SLC71A2: variants seen among roughly 807,000 people sequenced by gnomAD.
SLC71A2 encodes solute carrier family 71 member 2, also known as hippocampus abundant transcript-like 1.
the SLC71A2 span, among the ~76,000 whole-genome samples, chr9:94,428,600 CT>C: frequency 0.073 from 7,153 of 98,264 alleles, 445 homozygotes; most frequent in African/African-American, 0.17. Context: ...ACCCCCCCCC[CT>C]TTTTTTTTTT....
At chr9:94,382,839 G>A in the SLC71A2 span, among the ~76,000 whole-genome samples, 1 of 152,178 alleles carries the variant, frequency 6.6e-6, no homozygotes, top group Non-Finnish European at 1.5e-5. Flanking sequence ...ACCACGCCTG[G>A]CTAATTTTTT....
the SLC71A2 span, among the ~76,000 whole-genome samples, chr9:94,401,492 A>T: frequency 1.4e-4 from 21 of 151,956 alleles, no homozygotes; most frequent in African/African-American, 4.6e-4. Context: ...TTTTATAGGC[A>T]TATTTGCCAT....
At chr9:94,415,297 A>G in the SLC71A2 span, 58 of 1,377,402 alleles carry the variant, frequency 4.2e-5, no homozygotes, top group Non-Finnish European at 5.6e-5. Context: ...AGAGAAAGAG[A>G]TAAGTTCTTA....
chr9:94,439,612 C>T, the SLC71A2 span, among the ~76,000 whole-genome samples: 3 of 150,644 alleles, frequency 2.0e-5, no homozygotes, highest in Non-Finnish European at 4.4e-5. Flanking sequence ...TATGCTAACA[C>T]CTATCACATT....
At chr9:94,454,071 G>A in the SLC71A2 span, 2 of 1,605,368 alleles carry the variant, frequency 1.2e-6, no homozygotes, top group Non-Finnish European at 1.7e-6. Context: ...CACAGGCCTG[G>A]TAAGCCTCAC....
the SLC71A2 span, chr9:94,459,477 G>A: frequency 3.8e-6 from 6 of 1,580,074 alleles, no homozygotes; most frequent in East Asian, 9.0e-5. Flanking sequence ...CCACACCCCT[G>A]GTGACTTCAT....
chr9:94,381,067 A>C, the SLC71A2 span, among the ~76,000 whole-genome samples: 6 of 93,158 alleles, frequency 6.4e-5, no homozygotes, highest in African/African-American at 1.4e-4. Context: ...ATGGAGTTTC[A>C]CTCTTGTTGC....
At chr9:94,396,672 A>G in the SLC71A2 span, among the ~76,000 whole-genome samples, 1 of 152,206 alleles carries the variant, frequency 6.6e-6, no homozygotes, top group African/African-American at 2.4e-5. Context: ...CAATATGTAA[A>G]TGAACAAGCA....
the SLC71A2 span, among the ~76,000 whole-genome samples, chr9:94,382,079 TG>T: frequency 6.6e-6 from 1 of 151,744 alleles, no homozygotes; most frequent in East Asian, 1.9e-4. Flanking sequence ...CAGGCTGGAG[TG>T]CGGTGGCGTG....
chr9:94,456,346 A>G, the SLC71A2 span: 551 of 1,606,900 alleles, frequency 3.4e-4, no homozygotes, highest in Non-Finnish European at 4.6e-4. Context: ...AGGTGAGGTC[A>G]CTGCCCCCCA....
the SLC71A2 span, among the ~76,000 whole-genome samples, chr9:94,410,618 A>G: frequency 6.6e-6 from 1 of 152,230 alleles, no homozygotes; most frequent in Admixed American, 6.5e-5. Context: ...AAAGTCACCA[A>G]TAAAAAATTG....
chr9:94,417,209 A>G, the SLC71A2 span, among the ~76,000 whole-genome samples: 1 of 152,224 alleles, frequency 6.6e-6, no homozygotes. Flanking sequence ...TTATGGTAAA[A>G]TACACATAAC....
chr9:94,439,022 G>GTTTTGTT, the SLC71A2 span, among the ~76,000 whole-genome samples: 1 of 115,688 alleles, frequency 8.6e-6, no homozygotes, highest in African/African-American at 3.3e-5. Context: ...ATTTGAGTTC[G>GTTTTGTT]TTTTTTTTTT....
At chr9:94,389,452 T>TA in the SLC71A2 span, among the ~76,000 whole-genome samples, 1 of 151,280 alleles carries the variant, frequency 6.6e-6, no homozygotes, top group Non-Finnish European at 1.5e-5. Context: ...ATATATATAT[T>TA]TTTTTCAGTA....
the SLC71A2 span, chr9:94,415,340 T>C: frequency 2.1e-6 from 2 of 940,470 alleles, no homozygotes; most frequent in East Asian, 2.4e-5. Context: ...TAGATACGTG[T>C]TTGGGAGTAG....
the SLC71A2 span, among the ~76,000 whole-genome samples, chr9:94,421,317 C>G: frequency 3.3e-5 from 5 of 152,258 alleles, no homozygotes; most frequent in East Asian, 9.6e-4. Context: ...ACAGTAAGTA[C>G]ACTTATATAT....
At chr9:94,399,807 C>CTT in the SLC71A2 span, among the ~76,000 whole-genome samples, 18 of 140,812 alleles carry the variant, frequency 1.3e-4, no homozygotes, top group East Asian at 1.0e-3. Context: ...GGGAAAAAGC[C>CTT]TTTTTTTTTT....
chr9:94,455,114 C>G, the SLC71A2 span, among the ~76,000 whole-genome samples: 1 of 144,536 alleles, frequency 6.9e-6, no homozygotes, highest in Non-Finnish European at 1.5e-5. Context: ...TACATATGCC[C>G]CTTCTGAATT....
the SLC71A2 span, chr9:94,446,777 T>G: frequency 4.2e-6 from 4 of 958,476 alleles, no homozygotes; most frequent in South Asian, 5.4e-5. Flanking sequence ...TTGGCAACAT[T>G]AATGTGTATT....
Sources: allele counts gnomAD v4.1 joint callset (sites outside exome capture counted in the v4.1 genomes callset), GRCh38; gene constraint gnomAD v4.1.1; transcripts MANE v1.5; gene names NCBI Gene and HGNC (gene_info 2026-07-23, HGNC 2026-07-21).